PCLO: variants seen among roughly 807,000 people sequenced by gnomAD.
PCLO encodes piccolo presynaptic cytomatrix protein, also known as protein piccolo.
PCLO carries 82 observed loss-of-function variants against 427.5 expected under a neutral mutation model. The ratio of observed to expected loss-of-function variants is 0.19; its 90% CI spans 0.16 to 0.23. The LOEUF is 0.23. PCLO is among the 10% of genes least tolerant of loss of function. The pLI is 1.00. For synonymous variants in PCLO, 2,357 were observed against 2,155.4 expected (o/e 1.09, Z -2.59); for missense variants, 6,239 against 6,115.9 (o/e 1.02, Z -0.67).
chr7:82,893,593 A>C (rs917337343), intron 9 of PCLO, among the ~76,000 whole-genome samples: 3 of 152,002 alleles, frequency 2.0e-5, no homozygotes, highest in Non-Finnish European at 2.9e-5. Context: ...AATAAATAGA[A>C]AAAGAAAAAA....
At chr7:82,892,661 T>A (rs996630916) in intron 9 of PCLO, among the ~76,000 whole-genome samples, 30 of 151,672 alleles carry the variant, frequency 2.0e-4, no homozygotes, top group African/African-American at 6.8e-4. Context: ...TGGGAGAAAA[T>A]TTTTGCAATC....
intron 3 of PCLO, among the ~76,000 whole-genome samples, chr7:83,019,224 C>T (rs1182441308): frequency 1.3e-5 from 2 of 151,870 alleles, no homozygotes; most frequent in Non-Finnish European, 2.9e-5. Flanking sequence ...TCTTGCTTTG[C>T]TTGTAAATAG....
intron 2 of PCLO, among the ~76,000 whole-genome samples, chr7:83,153,886 T>C (rs1363770922): frequency 1.3e-5 from 2 of 150,014 alleles, no homozygotes; most frequent in Non-Finnish European, 3.0e-5. Context: ...TGTATCTTCT[T>C]GTCTCTTCCC....
Position 83,134,330 on chromosome 7 carries a change from G to C in PCLO, c.3220C>G (p.Pro1074Ala). Residue 1074 changes from proline to alanine, a missense_variant, in exon 3 of 25, where the codon CCT becomes GCT. Coordinates refer to ENST00000333891, the MANE Select transcript of PCLO (RefSeq NM_033026.6). ...TELNIGSKDP[P>A]NFNTCTECKN... ...CATTCAGTGCAAGTATTGAAGTTAG[G>C]AGGATCCTTAGAACCTATGTTGAGT... The C allele has an allele frequency of 6.2e-7, 1 of 1,608,998 alleles. No individual in the cohort carries two copies.
chr7:82,815,074 T>C lies in PCLO; in HGVS notation c.14791+7421A>G, dbSNP rs1022699926. ...TCTTGAAGAGATTCATTATTGATAT[T>C]AGCATTCATTTTAATTGTCTCTAAG... On this transcript the variant is annotated intron_variant, in intron 20 of 24. Transcript: ENST00000333891. Among the ~76,000 whole-genome samples the C allele has an allele frequency of 3.4e-5, 5 of 146,778 alleles. No individual in the cohort carries two copies. The South Asian group carries it at 6.7e-4, about 20-fold the overall frequency.
chr7:82,858,434 G>T (rs779249123), intron 10 of PCLO, among the ~76,000 whole-genome samples: 1 of 152,044 alleles, frequency 6.6e-6, no homozygotes, highest in Non-Finnish European at 1.5e-5. Context: ...CATCAACATA[G>T]TACTGGAAGT....
At chr7:82,813,105 T>C (rs1000515623) in intron 20 of PCLO, among the ~76,000 whole-genome samples, 2 of 151,754 alleles carry the variant, frequency 1.3e-5, no homozygotes, top group Non-Finnish European at 3.0e-5. Context: ...GAAAATTCAT[T>C]AAATTTTGCC....
At chr7:82,839,444 A>C (rs1328919514) in intron 14 of PCLO, among the ~76,000 whole-genome samples, 3 of 152,104 alleles carry the variant, frequency 2.0e-5, no homozygotes, top group South Asian at 2.1e-4. Flanking sequence ...AGCACAGTGA[A>C]AAAGAAAGCA....
At chr7:82,973,481 A>G (rs1795950691) in intron 3 of PCLO, among the ~76,000 whole-genome samples, 1 of 152,130 alleles carries the variant, frequency 6.6e-6, no homozygotes, top group Non-Finnish European at 1.5e-5. Flanking sequence ...ATAAAATACT[A>G]ATTTCCAGTT....
intron 3 of PCLO, among the ~76,000 whole-genome samples, chr7:83,073,348 G>A (rs1296003476): frequency 2.0e-5 from 3 of 151,954 alleles, no homozygotes; most frequent in Non-Finnish European, 1.5e-5. Context: ...ATCATTCTCA[G>A]AAAACCTTAT....
At chr7:82,942,157 A>G (rs1196115974) in intron 6 of PCLO, among the ~76,000 whole-genome samples, 1 of 152,198 alleles carries the variant, frequency 6.6e-6, no homozygotes, top group Non-Finnish European at 1.5e-5. Context: ...AGTCAATCAT[A>G]AAGTACACAA....
chr7:83,136,053 G>T (rs59863833), intron 2 of PCLO, among the ~76,000 whole-genome samples: 28 of 151,708 alleles, frequency 1.8e-4, no homozygotes. Context: ...AGCCGAGATC[G>T]CGCCATTGCA....
chr7:83,159,890 G>A (rs770083285), intron 1 of PCLO, among the ~76,000 whole-genome samples: 3 of 152,006 alleles, frequency 2.0e-5, no homozygotes, highest in Non-Finnish European at 4.4e-5. Flanking sequence ...ACTAATTCAA[G>A]GTCATAAAAC....
intron 22 of PCLO, among the ~76,000 whole-genome samples, chr7:82,791,651 C>T (rs954604747): frequency 1.3e-5 from 2 of 152,106 alleles, no homozygotes; most frequent in African/African-American, 2.4e-5. Context: ...TCTATTATCT[C>T]GTGTCCATAG....
intron 3 of PCLO, among the ~76,000 whole-genome samples, chr7:83,043,912 C>CTTTTTTTTTTTTTTTTTTT (rs869061778): frequency 7.4e-5 from 7 of 94,912 alleles, no homozygotes; most frequent in Admixed American, 1.4e-4. Context: ...CTATTATTTT[C>CTTTTTTTTTTTTTTTTTTT]TTTTTTTTTT....
Position 83,021,697 on chromosome 7 carries a change from T to TA in PCLO, c.3301-55211dup, listed in dbSNP as rs538717459. ...AAGGCCAACATCTATTAAAACAAGG[T>TA]AAAACAATATTGTGATTAAGAGTAA... On this transcript the variant is annotated intron_variant, in intron 3 of 24. Coordinates refer to ENST00000333891, the MANE Select transcript of PCLO (RefSeq NM_033026.6). 2.2e-4 allele frequency among the ~76,000 whole-genome samples: 33 copies of TA among 152,268 alleles called. 1 individual carries two copies. The South Asian group carries it at 6.6e-3, about 31-fold the overall frequency.
chr7:82,835,537 T>C lies in PCLO; in HGVS notation c.14249+130A>G, dbSNP rs1225802858. On this transcript the variant is annotated intron_variant, in intron 16 of 24. Transcript: ENST00000333891. ...ACAATTTGTCGCAGTGCTGATTCAATAGATACAAACATGTAGAAAAATATA... is the reference window on the plus strand; with the variant it reads ...ACAATTTGTCGCAGTGCTGATTCAACAGATACAAACATGTAGAAAAATATA... 1.2e-5 allele frequency: 8 copies of C among 663,318 alleles called. No homozygotes were observed. In the Admixed American group the frequency reaches 1.7e-4, roughly 14 times the overall value. 41.1% of individuals were successfully genotyped at this position (663,318 alleles called of 1,614,324 possible).
chr7:82,913,763 A>G (rs922461592), intron 7 of PCLO, among the ~76,000 whole-genome samples: 2 of 152,076 alleles, frequency 1.3e-5, no homozygotes, highest in African/African-American at 4.8e-5. Context: ...TTATGGTTGT[A>G]TATCTTTAAA....
chr7:82,803,224 G>A (rs1052834904), intron 21 of PCLO, among the ~76,000 whole-genome samples: 7 of 152,014 alleles, frequency 4.6e-5, no homozygotes, highest in Admixed American at 2.0e-4. Flanking sequence ...TTATCAGTAC[G>A]CTACACTGGT....
Sources: allele counts gnomAD v4.1 joint callset (sites outside exome capture counted in the v4.1 genomes callset), GRCh38; gene constraint gnomAD v4.1.1; transcripts MANE v1.5; gene names NCBI Gene and HGNC (gene_info 2026-07-23, HGNC 2026-07-21).